ENO4: variants seen among roughly 807,000 people sequenced by gnomAD.
The protein encoded by ENO4 is enolase 4.
A neutral mutation model predicts 63.2 loss-of-function variants in ENO4; 53 were observed. The ratio of observed to expected loss-of-function variants is 0.84; its 90% CI spans 0.67 to 1.05. The LOEUF is 1.05. Among genes scored for constraint, ENO4 ranks in the 50% least tolerant of loss-of-function variants. The pLI is 0.00. For missense variants in ENO4, 719 were observed against 772.0 expected (o/e 0.93, Z 0.81); for synonymous variants, 266 against 283.8 (o/e 0.94, Z 0.63).
Position 116,856,532 on chromosome 10 carries a change from A to G in ENO4, c.335A>G (p.His112Arg). The change falls in exon 3 of 14, where the codon CAT becomes CGT. Residue 112 changes from histidine (H) to arginine (R), a missense_variant. Around this residue, in one of 3 missense-constraint regions of ENO4, gnomAD observed 544 missense variants for 583.6 expected, o/e 0.93. Coordinates refer to ENST00000341276, the MANE Select transcript of ENO4 (RefSeq NM_001242699.2). ...SVVISTHFEV[H>R]ENALPELAKA... ...GTGATCTCGACTCATTTTGAAGTCC[A>G]TGAGAATGCTCTGCCCGAGCTGGCC... The G allele has an allele frequency of 6.5e-7, 1 of 1,535,828 alleles. No homozygotes were observed. Among genetic ancestry groups the G allele is most frequent in the Middle Eastern group, 1.7e-4 (1 of 5,990 alleles).
At chr10:116,867,480 T>C (rs1404623027) in intron 7 of ENO4, among the ~76,000 whole-genome samples, 1 of 150,972 alleles carries the variant, frequency 6.6e-6, no homozygotes. Flanking sequence ...TCCCAGTTAC[T>C]CTGAAGCCTG....
intron 4 of ENO4, among the ~76,000 whole-genome samples, chr10:116,859,939 A>G (rs563823016): frequency 2.6e-5 from 4 of 152,310 alleles, no homozygotes; most frequent in African/African-American, 9.6e-5. Flanking sequence ...GAGACAAAAT[A>G]ATTATGTTTG....
intron 1 of ENO4, among the ~76,000 whole-genome samples, chr10:116,851,195 C>T (rs1322885187): frequency 6.6e-6 from 1 of 152,222 alleles, no homozygotes; most frequent in East Asian, 1.9e-4. Context: ...TGGGAACTTA[C>T]ATCTTAGTTT....
intron 3 of ENO4, among the ~76,000 whole-genome samples, chr10:116,857,169 C>T (rs1201452146): frequency 6.6e-6 from 1 of 152,078 alleles, no homozygotes; most frequent in African/African-American, 2.4e-5. Context: ...TAGTTAACAC[C>T]TTACTATGTA....
intron 10 of ENO4, chr10:116,906,771 C>G: frequency 6.3e-7 from 1 of 1,587,844 alleles, no homozygotes; most frequent in Non-Finnish European, 8.6e-7. Context: ...AAAACAAAAA[C>G]AAAAAGGTTA....
intron 10 of ENO4, chr10:116,900,733 G>T (rs1847701404): frequency 1.0e-6 from 1 of 983,944 alleles, no homozygotes; most frequent in Non-Finnish European, 1.2e-6. Context: ...CTTTCTGTTA[G>T]AACTGTTCAA....
Position 116,881,647 on chromosome 10 carries a change from A to C in ENO4, c.1856A>C (p.Glu619Ala). 1.3e-6 allele frequency: 2 copies of C among 1,547,130 alleles called. No individual in the cohort carries two copies. The highest frequency in any genetic ancestry group is 1.7e-6 in the Non-Finnish European group (2 of 1,145,452). ...FPTQGVEESAETGASSG is the reference protein window; with the variant it reads ...FPTQGVEESAATGASSG Reference sequence around the variant, plus strand: ...ACACAAGGTGTAGAGGAATCAGCCGAAACAGGAGCATCCTCTGGATAGGGC... The same window carrying C: ...ACACAAGGTGTAGAGGAATCAGCCGCAACAGGAGCATCCTCTGGATAGGGC... The change falls in exon 14 of 14, where the codon GAA becomes GCA. Residue 619 changes from glutamate (E) to alanine (A), a missense_variant. Glu to Ala is a moderately radical substitution (Grantham distance 107, BLOSUM62 -1). This residue lies in a region of ENO4 where 168 missense variants were observed against 163.3 expected (regional missense o/e 1.03). Transcript: ENST00000341276.
At chr10:116,863,101 T>C (rs1846458072) in intron 7 of ENO4, among the ~76,000 whole-genome samples, 1 of 152,160 alleles carries the variant, frequency 6.6e-6, no homozygotes, top group African/African-American at 2.4e-5. Flanking sequence ...TCCCTTAGGA[T>C]TTACTAAGAA....
chr10:116,899,926 A>G (rs1847671733), intron 10 of ENO4, among the ~76,000 whole-genome samples: 1 of 152,160 alleles, frequency 6.6e-6, no homozygotes, highest in Admixed American at 6.5e-5. Flanking sequence ...GATTCTGACA[A>G]ATGATACAAA....
rs1377653426 is a variant in ENO4, at chr10:116,903,708, G to A, written c.1195-7791G>A. Among the ~76,000 whole-genome samples, 4 of 152,078 alleles carry A rather than the reference G, an allele frequency of 2.6e-5. No homozygotes were observed. The South Asian group carries it at 6.2e-4, about 24-fold the overall frequency. On this transcript the variant is annotated intron_variant, in intron 10 of 10. Transcript: ENST00000369207. ...AGCTCTATTCTGCCCTTGGGTAAGC[G>A]TTGACTACAATACTAGTTAGCTTTA...
intron 10 of ENO4, chr10:116,900,269 T>G (rs1174126477): frequency 2.2e-6 from 1 of 463,032 alleles, no homozygotes; most frequent in East Asian, 3.3e-5. Flanking sequence ...GAGCTTTAAG[T>G]AGATAAATTA....
At chr10:116,855,511 C>T in intron 1 of ENO4, 112 bp from the exon 2 acceptor site, 1 of 1,341,446 alleles carries the variant, frequency 7.5e-7, no homozygotes, top group South Asian at 1.3e-5. Context: ...TTGGTAGAAA[C>T]TAGAGTCAAT....
At chr10:116,860,705 G>C in intron 4 of ENO4, 89 bp from the exon 5 acceptor site, 6 of 1,019,698 alleles carry the variant, frequency 5.9e-6, no homozygotes, top group Non-Finnish European at 7.7e-6. Context: ...TCCCAGCCTC[G>C]GCTTTCATCC....
chr10:116,874,206 G>C lies in ENO4; in HGVS notation c.1341+5G>C. 11 of 1,528,386 alleles carry C rather than the reference G, an allele frequency of 7.2e-6. No homozygotes were observed. The highest frequency in any genetic ancestry group is 9.7e-6 in the Non-Finnish European group (11 of 1,130,472). The allele number at this position is 1,528,386 out of a possible 1,614,324, so 94.7% of individuals were successfully genotyped here. A position where few individuals can be genotyped will look rare whatever the true frequency, so the allele number is the denominator to read the frequency against. On this transcript the variant is annotated splice_donor_5th_base_variant and intron_variant, in intron 10 of 13. Coordinates refer to ENST00000341276, the MANE Select transcript of ENO4 (RefSeq NM_001242699.2). ...ATTGATCCTTTCAGGAAGGAGGTAA[G>C]CACCCCACCTTCCATATTTTATAAC...
exon 11 of ENO4, chr10:116,911,687 A>G: frequency 6.3e-7 from 1 of 1,580,888 alleles, no homozygotes; most frequent in Non-Finnish European, 8.7e-7. Context: ...CTAATTGTAA[A>G]TGGGAATAAA....
rs1488644378 is a variant in ENO4 at position 116,897,606 on chromosome 10, T to C, written c.1195-13893T>C. 2.0e-5 allele frequency among the ~76,000 whole-genome samples: 3 copies of C among 152,212 alleles called. No individual in the cohort carries two copies. In the East Asian group the frequency reaches 5.8e-4, roughly 29 times the overall value. ...ATGATCCATTATCCCAGCAATATAA[T>C]TGTAAGATAAGATAGGAAAGGAATT... On this transcript the variant is annotated intron_variant, in intron 10 of 10. Transcript: ENST00000369207.
chr10:116,878,791 T>A (rs1846911338), intron 11 of ENO4, among the ~76,000 whole-genome samples: 1 of 136,794 alleles, frequency 7.3e-6, no homozygotes, highest in Non-Finnish European at 1.5e-5. Context: ...CGCCCAGAGC[T>A]GGAGTGCAGT....
chr10:116,880,025 G>T (rs1417995605), intron 13 of ENO4, 39 bp downstream of exon 13: 4 of 1,434,254 alleles, frequency 2.8e-6, no homozygotes, highest in Non-Finnish European at 3.8e-6. Context: ...ACTTAGCCAT[G>T]AATAAGAGAA....
At chr10:116,862,978 T>C in intron 7 of ENO4, 126 bp downstream of exon 7, 1 of 717,656 alleles carries the variant, frequency 1.4e-6, no homozygotes, top group Admixed American at 2.2e-5. Flanking sequence ...TGGCTTTGGG[T>C]TTCCCCCAAG....
Sources: allele counts gnomAD v4.1 joint callset (sites outside exome capture counted in the v4.1 genomes callset), GRCh38; gene constraint gnomAD v4.1.1; regional missense constraint gnomAD v4.1.1; transcripts MANE v1.5; gene names NCBI Gene and HGNC (gene_info 2026-07-23, HGNC 2026-07-21).